Variants in NNMT observed in about 807,000 individuals in gnomAD.
NNMT encodes the protein nicotinamide N-methyltransferase.
In NNMT, 10 loss-of-function variants were observed where a neutral mutation model predicts 11.7. That is an observed-to-expected ratio of 0.85 (90% CI 0.53 to 1.45). The LOEUF (loss-of-function observed/expected upper bound fraction) is 1.45, where lower values mean the gene tolerates loss of function less well. Among genes scored for constraint, NNMT ranks in the 40% most tolerant of loss-of-function variants. NNMT has a pLI of 0.00. For synonymous variants in NNMT, 143 were observed against 133.8 expected, an observed-to-expected ratio of 1.07 and a Z score of -0.48; for missense variants, 381 against 319.4, an observed-to-expected ratio of 1.19 and a Z score of -1.47.
intron 2 of NNMT, among the ~76,000 whole-genome samples, chr11:114,274,161 C>G (rs945353032): frequency 3.3e-5 from 5 of 152,216 alleles, no homozygotes. Context: ...AAGTGGTTGA[C>G]TCTCTACACC....
chr11:114,278,612 A>ATG (rs3057704), intron 2 of NNMT, among the ~76,000 whole-genome samples: 16,054 of 146,934 alleles, frequency 0.11, 887 homozygotes, highest in East Asian at 0.17. Context: ...CCTAATACTC[A>ATG]TGTGTGTGTG....
chr11:114,268,159 T>C (rs1945136301), intron 2 of NNMT, among the ~76,000 whole-genome samples: 1 of 152,194 alleles, frequency 6.6e-6, no homozygotes, highest in Non-Finnish European at 1.5e-5. Context: ...TTTAGGCCAG[T>C]GGAGTGGCGA....
intron 1 of NNMT, 114 bp downstream of exon 1, chr11:114,296,824 C>A: frequency 9.9e-7 from 1 of 1,014,538 alleles, no homozygotes; most frequent in Non-Finnish European, 1.5e-6. Context: ...TTGGCATCAC[C>A]CATTTATTTA....
At chr11:114,297,155 T>C (rs2135271039) in intron 1 of NNMT, among the ~76,000 whole-genome samples, 1 of 152,292 alleles carries the variant, frequency 6.6e-6, no homozygotes, top group African/African-American at 2.4e-5. Flanking sequence ...TAATTAACTT[T>C]CCTTGAAAGT....
chr11:114,277,504 T>C (rs1945223041), intron 2 of NNMT, among the ~76,000 whole-genome samples: 1 of 152,136 alleles, frequency 6.6e-6, no homozygotes, highest in African/African-American at 2.4e-5. Context: ...GAAAGACTTT[T>C]TGAAGGAAGT....
In NNMT at chr11:114,312,540, T is replaced by TA; in HGVS notation, c.*65dup. On this transcript the variant is annotated 3_prime_UTR_variant, in exon 3 of 3. Coordinates refer to ENST00000299964, the MANE Select transcript of NNMT (RefSeq NM_006169.3). ...TCCAGTTGACTTTAGTCCTTGTTTC[T>TA]AACTGCCAAGTCATGTGCTGAGTAG... is the stretch of plus-strand genomic sequence containing the variant. 6.6e-7 allele frequency: 1 copy of TA among 1,506,270 alleles called. No individual in the cohort carries two copies. Among genetic ancestry groups the TA allele is most frequent in the Non-Finnish European group, 9.0e-7 (1 of 1,108,016 alleles). 93.3% of individuals were successfully genotyped at this position (1,506,270 alleles called of 1,614,324 possible).
upstream of NNMT, among the ~76,000 whole-genome samples, chr11:114,293,802 G>C (rs922872917): frequency 1.3e-5 from 2 of 152,012 alleles, no homozygotes; most frequent in African/African-American, 4.8e-5. Context: ...CCAAAGGAAA[G>C]GAAATCAGTA....
At chr11:114,293,861 A>G (rs1284520700), upstream of NNMT, among the ~76,000 whole-genome samples, 1 of 152,178 alleles carries the variant, frequency 6.6e-6, no homozygotes, top group East Asian at 1.9e-4. Flanking sequence ...ACTGTTCACA[A>G]TAGCCAAGAT....
At chr11:114,269,225 G>A (rs1182720629) in intron 2 of NNMT, among the ~76,000 whole-genome samples, 2 of 152,186 alleles carry the variant, frequency 1.3e-5, no homozygotes, top group Non-Finnish European at 2.9e-5. Flanking sequence ...TATTTTGGAT[G>A]AATGCAGTGA....
Position 114,312,418 on chromosome 11 carries a change from A to G in NNMT, c.736A>G (p.Met246Val), listed in dbSNP as rs1945562222. ...GATCTCGCAAAGTTATTCTTCCACC[A>G]TGGCCAACAACGAAGGACTTTTCTC... ...EVISQSYSSTMANNEGLFSLV... is the reference protein window; with the variant it reads ...EVISQSYSSTVANNEGLFSLV... The change falls in exon 3 of 3, where the codon ATG becomes GTG. Residue 246 changes from methionine (M) to valine (V), a missense_variant. Coordinates refer to ENST00000299964, the MANE Select transcript of NNMT (RefSeq NM_006169.3). The G allele has an allele frequency of 2.5e-6, 4 of 1,614,104 alleles. No individual in the cohort carries two copies. The highest frequency in any genetic ancestry group is 3.4e-6 in the Non-Finnish European group (4 of 1,180,048).
upstream of NNMT, chr11:114,296,012 T>G (rs975714106): frequency 2.0e-5 from 3 of 152,474 alleles, no homozygotes; most frequent in African/African-American, 7.2e-5. Flanking sequence ...TCAGCCAACA[T>G]TCCTTAGCCC....
intron 2 of NNMT, among the ~76,000 whole-genome samples, chr11:114,286,026 T>A (rs1315998144): frequency 1.3e-5 from 2 of 152,206 alleles, no homozygotes; most frequent in African/African-American, 4.8e-5. Context: ...GAAGGAAAGC[T>A]TCAGCTGCAG....
intron 2 of NNMT, among the ~76,000 whole-genome samples, chr11:114,269,644 A>G (rs1252302624): frequency 6.6e-6 from 1 of 152,112 alleles, no homozygotes; most frequent in Non-Finnish European, 1.5e-5. Flanking sequence ...ACTTTTAGCT[A>G]CTGCCCTGTC....
rs112420709 is a variant in NNMT at position 114,289,256 on chromosome 11, T to C, written c.-129-7172T>C. ...AGGTTCCCCTTTTTATTCCTGACACTGGGCATATGAGCCTTCTCTCTTTTT... is the reference window on the plus strand; with the variant it reads ...AGGTTCCCCTTTTTATTCCTGACACCGGGCATATGAGCCTTCTCTCTTTTT... On this transcript the variant is annotated intron_variant, in intron 2 of 4. Coordinates refer to the NNMT transcript ENST00000535401. Among the ~76,000 whole-genome samples the C allele has an allele frequency of 1.7e-3, 256 of 152,350 alleles. 2 individuals are homozygous for C. Among genetic ancestry groups the C allele is most frequent in the African/African-American group, 5.9e-3 (246 of 41,596 alleles).
intron 1 of NNMT, 49 bp downstream of exon 1, chr11:114,296,759 G>A: frequency 6.3e-7 from 1 of 1,575,134 alleles, no homozygotes; most frequent in Middle Eastern, 1.8e-4. Context: ...TCATATAGAT[G>A]GAGTCTCAGG....
chr11:114,283,634 G>A (rs904785339), intron 2 of NNMT, among the ~76,000 whole-genome samples: 14 of 152,108 alleles, frequency 9.2e-5, no homozygotes, highest in African/African-American at 2.7e-4. Context: ...TTTTACTTCC[G>A]AGGCTTAGTT....
chr11:114,273,437 G>A (rs530128899), intron 2 of NNMT, among the ~76,000 whole-genome samples: 30 of 152,340 alleles, frequency 2.0e-4, no homozygotes, highest in Non-Finnish European at 2.9e-5. Flanking sequence ...CCTAGCTGGA[G>A]AGAGGTCAAG....
intron 2 of NNMT, among the ~76,000 whole-genome samples, chr11:114,306,202 T>A (rs1945490880): frequency 6.6e-6 from 1 of 151,922 alleles, no homozygotes; most frequent in Non-Finnish European, 1.5e-5. Context: ...GGTTGTTTGA[T>A]TTTTTCTTGT....
At chr11:114,278,779 GGA>G (rs1945235372) in intron 2 of NNMT, among the ~76,000 whole-genome samples, 1 of 152,206 alleles carries the variant, frequency 6.6e-6, no homozygotes, top group African/African-American at 2.4e-5. Flanking sequence ...ATCAGAAGTT[GGA>G]TACCAGGAGA....
Sources: allele counts gnomAD v4.1 joint callset (sites outside exome capture counted in the v4.1 genomes callset), GRCh38; gene constraint gnomAD v4.1.1; transcripts MANE v1.5; gene names NCBI Gene and HGNC (gene_info 2026-07-23, HGNC 2026-07-21).